USP20: variants seen among roughly 807,000 people sequenced by gnomAD.
The protein encoded by USP20 is ubiquitin carboxyl-terminal hydrolase 20.
USP20 carries 80 observed loss-of-function variants against 124.2 expected under a neutral mutation model. The observed-to-expected ratio is 0.64, with a 90% confidence interval of 0.54 to 0.78. USP20 has a LOEUF of 0.78. Among genes scored for constraint, USP20 ranks in the 30% least tolerant of loss-of-function variants. The pLI is 0.00. For synonymous variants in USP20, 481 were observed against 512.3 expected, an observed-to-expected ratio of 0.94 and a Z score of 0.83; for missense variants, 1,043 against 1,244.4, an observed-to-expected ratio of 0.84 and a Z score of 2.44.
At chr9:129,837,220 C>T (rs944729755) in intron 1 of USP20, among the ~76,000 whole-genome samples, 3 of 152,148 alleles carry the variant, frequency 2.0e-5, no homozygotes, top group East Asian at 3.8e-4. Flanking sequence ...CCCTTTTAAG[C>T]GTAGGATGAG....
chr9:129,850,008 A>G (rs755134737), intron 2 of USP20, 84 bp downstream of exon 2: 2 of 150,216 alleles, frequency 1.3e-5, no homozygotes, highest in Non-Finnish European at 3.0e-5. Context: ...AAAGAATGGA[A>G]TTGTGATTAT....
chr9:129,841,352 C>T (rs2032201177), intron 1 of USP20, among the ~76,000 whole-genome samples: 1 of 152,166 alleles, frequency 6.6e-6, no homozygotes, highest in African/African-American at 2.4e-5. Flanking sequence ...AGGGCCTGCC[C>T]TAAAGATCTT....
intron 22 of USP20, 121 bp downstream of exon 22, chr9:129,876,359 C>T (rs749971976): frequency 5.9e-5 from 47 of 799,380 alleles, no homozygotes; most frequent in Non-Finnish European, 9.3e-5. Context: ...TCTTTTGAGG[C>T]TGGGCATGGT....
chr9:129,836,790 G>T (rs2031870780), intron 1 of USP20, among the ~76,000 whole-genome samples: 1 of 152,144 alleles, frequency 6.6e-6, no homozygotes. Flanking sequence ...GACTGGTTCA[G>T]CCAAACCCAG....
In USP20 at chr9:129,858,040, C is replaced by T. The variant is rs957433611; in HGVS notation, c.136-10C>T. ...AAGCTCCAGTCCACTCTCCTTCCCT[C>T]TCTTCCCAGGTTGCCTGCCCCTATG... is the stretch of plus-strand genomic sequence containing the variant. On this transcript the variant is annotated splice_polypyrimidine_tract_variant and intron_variant, in intron 4 of 25. Coordinates refer to ENST00000372429, the MANE Select transcript of USP20 (RefSeq NM_001110303.4). The T allele has an allele frequency of 5.0e-6, 8 of 1,613,220 alleles. No individual in the cohort carries two copies. The African/African-American group carries it at 6.7e-5, about 13-fold the overall frequency.
chr9:129,846,819 G>C (rs1380273977), intron 1 of USP20, among the ~76,000 whole-genome samples: 3 of 151,730 alleles, frequency 2.0e-5, no homozygotes, highest in Non-Finnish European at 2.9e-5. Context: ...TAGAAACGAG[G>C]TTTCACCATG....
Position 129,861,601 on chromosome 9 carries a change from C to A in USP20, c.486C>A (p.Ala162=). 6.2e-7 allele frequency: 1 copy of A among 1,614,134 alleles called. No homozygotes were observed. Residue 162 remains alanine, a synonymous_variant, in exon 8 of 26, where the codon GCC becomes GCA. Coordinates refer to ENST00000372429, the MANE Select transcript of USP20 (RefSeq NM_001110303.4). The part of the protein sequence containing the change: ...NSCYMNAALQ[A]LSNCPPLTQF... ...GCTACATGAACGCTGCCCTGCAGGC[C>A]CTGTCCAATTGGTAGGTCGACACTT...
chr9:129,870,636 G>C, intron 15 of USP20, 89 bp downstream of exon 15: 1 of 1,420,256 alleles, frequency 7.0e-7, no homozygotes. Flanking sequence ...TGCAGCCCAG[G>C]GCTTGTGGGA....
chr9:129,870,224 C>T (rs1274179274), intron 14 of USP20: 4 of 583,518 alleles, frequency 6.9e-6, no homozygotes, highest in South Asian at 2.1e-5. Context: ...TGATCATGGC[C>T]GCAACACAGA....
In USP20 at chr9:129,868,844, T is replaced by C. The variant is rs1564214595; in HGVS notation, c.1136-18T>C. 1 of 1,537,534 alleles carries C rather than the reference T, an allele frequency of 6.5e-7. No homozygotes were observed. The highest frequency in any genetic ancestry group is 2.3e-5 in the East Asian group (1 of 43,516). ...GCCTGGCTGCCCTGGCCCAGCATGG[T>C]ACCCTCTCTGCCCCCAGAGCCGGAC... On this transcript the variant is annotated intron_variant, in intron 11 of 25. Transcript: ENST00000372429.
rs7037982 is a variant in USP20 at position 129,839,929 on chromosome 9, A to T, written c.-129+4430A>T. On this transcript the variant is annotated intron_variant, in intron 1 of 25. Transcript: ENST00000372429. This position sits in a 1 kb window ranked among gnomAD's most constrained non-coding sequence, Gnocchi z 4.5. ...TGTGGGTGGAGTGGCACTTTCCCCCACCCTGGAGGCCCAGGGAAGGAAAGC... is the reference window on the plus strand; with the variant it reads ...TGTGGGTGGAGTGGCACTTTCCCCCTCCCTGGAGGCCCAGGGAAGGAAAGC... 0.23 allele frequency among the ~76,000 whole-genome samples: 35,234 copies of T among 151,452 alleles called. 4,173 individuals carry two copies. The highest frequency in any genetic ancestry group is 0.26 in the South Asian group (1,259 of 4,768).
chr9:129,854,063 A>G (rs2033086399), intron 3 of USP20, among the ~76,000 whole-genome samples: 1 of 152,234 alleles, frequency 6.6e-6, no homozygotes, highest in South Asian at 2.1e-4. Context: ...AACTTTCTGA[A>G]AAAGATGGCT....
At chr9:129,856,258 C>A (rs1463486867) in intron 3 of USP20, 49 bp from the exon 4 acceptor site, 1 of 1,586,810 alleles carries the variant, frequency 6.3e-7, no homozygotes, top group South Asian at 1.1e-5. Context: ...CTCAGCCCCG[C>A]AACGGGCTCC....
chr9:129,878,449 AG>A lies in USP20; in HGVS notation c.2512+15del, dbSNP rs3215849. 26,802 of 1,590,976 alleles carry A rather than the reference AG, an allele frequency of 0.017. 293 individuals carry two copies. Among genetic ancestry groups the A allele is most frequent in the East Asian group, 0.023 (1,027 of 44,292 alleles). Reference sequence around the variant, plus strand: ...CAAGGGGAAGGACAACGGTGAGCTGAGGGGGGACCTGGCACTTACCTGCCCT... The same window carrying A: ...CAAGGGGAAGGACAACGGTGAGCTGAGGGGGACCTGGCACTTACCTGCCCT... On this transcript the variant is annotated intron_variant, in intron 23 of 25. Coordinates refer to ENST00000372429, the MANE Select transcript of USP20 (RefSeq NM_001110303.4).
At chr9:129,837,567 T>C (rs1270964091) in intron 1 of USP20, among the ~76,000 whole-genome samples, 1 of 152,196 alleles carries the variant, frequency 6.6e-6, no homozygotes, top group Non-Finnish European at 1.5e-5. Context: ...TTCTAAGTGC[T>C]TGAAATAAGT....
At chr9:129,875,082 A>T in intron 19 of USP20, 127 bp downstream of exon 19, 1 of 1,430,410 alleles carries the variant, frequency 7.0e-7, no homozygotes, top group Non-Finnish European at 9.2e-7. Context: ...TTGGATTGTT[A>T]AGAAACAGCC....
rs1377953085 is a variant in USP20 at position 129,848,800 on chromosome 9, A to G, written c.-128-1013A>G. ...TAAGACTAGTGCCGACTCAGGGCAC[A>G]TGGCCTCAGCAGAAACAATGAAGAA... On this transcript the variant is annotated intron_variant, in intron 1 of 25. Coordinates refer to ENST00000372429, the MANE Select transcript of USP20 (RefSeq NM_001110303.4). 3.3e-5 allele frequency among the ~76,000 whole-genome samples: 5 copies of G among 152,258 alleles called. No individual in the cohort carries two copies. The East Asian group carries it at 5.8e-4, about 18-fold the overall frequency.
chr9:129,865,481 C>T (rs2033778756), intron 10 of USP20, 100 bp downstream of exon 10: 1 of 1,271,484 alleles, frequency 7.9e-7, no homozygotes, highest in Non-Finnish European at 1.1e-6. Flanking sequence ...GGCAGCTGAG[C>T]ACTGGTTGGC....
intron 1 of USP20, among the ~76,000 whole-genome samples, chr9:129,846,244 TATA>T (rs1420245299): frequency 1.6e-3 from 58 of 36,940 alleles, no homozygotes; most frequent in Admixed American, 2.5e-3. Flanking sequence ...TATATATATA[TATA>T]TTTTTTTTTT....
Sources: allele counts gnomAD v4.1 joint callset (sites outside exome capture counted in the v4.1 genomes callset), GRCh38; gene constraint gnomAD v4.1.1; non-coding constraint Gnocchi (gnomAD v3.1); transcripts MANE v1.5; gene names NCBI Gene and HGNC (gene_info 2026-07-23, HGNC 2026-07-21).